Variants in PEBP4 observed in about 807,000 individuals in gnomAD.
PEBP4 encodes the protein phosphatidylethanolamine binding protein 4.
In PEBP4, 22 loss-of-function variants were observed where a neutral mutation model predicts 23.9. The ratio of observed to expected loss-of-function variants is 0.92; its 90% confidence interval spans 0.66 to 1.31. The LOEUF is 1.31. Ranked by LOEUF, PEBP4 falls within the 40% of genes most tolerant of loss-of-function variation. PEBP4 has a pLI of 0.00. For synonymous variants in PEBP4, 112 were observed against 99.3 expected, an observed-to-expected ratio of 1.13 and a Z score of -0.76; for missense variants, 324 against 281.7, an observed-to-expected ratio of 1.15 and a Z score of -1.07.
intron 5 of PEBP4, among the ~76,000 whole-genome samples, chr8:22,726,557 GA>G (rs2128748817): frequency 6.6e-6 from 1 of 152,350 alleles, no homozygotes; most frequent in Admixed American, 6.5e-5. Flanking sequence ...AGGAGGAGGG[GA>G]AAGGGTTCAC....
Position 22,735,288 on chromosome 8 carries a change from G to C in PEBP4, c.358-8068C>G, listed in dbSNP as rs117277524. On this transcript the variant is annotated intron_variant, in intron 4 of 6. Coordinates refer to ENST00000256404, the MANE Select transcript of PEBP4 (RefSeq NM_144962.3). ...AGATGAAGGAAGAGATAACTGCTTG[G>C]GGGTAGTGATCAGAGAAAGTTATTG... Among the ~76,000 whole-genome samples, 542 of 152,226 alleles carry C rather than the reference G, an allele frequency of 3.6e-3. 4 individuals carry two copies. Among genetic ancestry groups the C allele is most frequent in the Non-Finnish European group, 5.9e-3 (404 of 68,008 alleles).
upstream of PEBP4, among the ~76,000 whole-genome samples, chr8:22,929,486 A>G (rs1183725031): frequency 6.6e-6 from 1 of 152,210 alleles, no homozygotes; most frequent in African/African-American, 2.4e-5. Flanking sequence ...TGTTGAGCCC[A>G]CTTCCAGTGG....
At chr8:22,751,275 G>T (rs1805250813) in intron 4 of PEBP4, among the ~76,000 whole-genome samples, 1 of 152,132 alleles carries the variant, frequency 6.6e-6, no homozygotes, top group African/African-American at 2.4e-5. Flanking sequence ...GACACCTAGA[G>T]ATGCTGCCAT....
Position 22,898,391 on chromosome 8 carries a change from C to CAAAAAAAAAAAAAAAA in PEBP4, c.258+21777_258+21792dup, listed in dbSNP as rs536993520. Among the ~76,000 whole-genome samples, 5 of 7,960 alleles carry CAAAAAAAAAAAAAAAA rather than the reference C, an allele frequency of 6.3e-4. 1 individual carries two copies. Among genetic ancestry groups the CAAAAAAAAAAAAAAAA allele is most frequent in the Admixed American group, 4.6e-3 (3 of 652 alleles). The allele number at this position is 7,960 out of a possible 152,430, so 5.2% of individuals were successfully genotyped here. On this transcript the variant is annotated intron_variant, in intron 3 of 6. Transcript: ENST00000256404. ...TGAGCGACAGAGGAAGACTCCACCC[C>CAAAAAAAAAAAAAAAA]AAAAAAAAAAAAAAAAAAAAAAAAA...
chr8:22,806,743 A>G (rs1429719945), intron 4 of PEBP4, among the ~76,000 whole-genome samples: 1 of 152,236 alleles, frequency 6.6e-6, no homozygotes, highest in East Asian at 1.9e-4. Flanking sequence ...TGATTTGTTA[A>G]CAAGTCACAA....
intron 4 of PEBP4, among the ~76,000 whole-genome samples, chr8:22,788,659 G>A (rs1371250331): frequency 6.6e-6 from 1 of 152,200 alleles, no homozygotes; most frequent in African/African-American, 2.4e-5. Context: ...TGTCCTGATG[G>A]TTATTCATAT....
rs546656967 is a variant in PEBP4, at chr8:22,865,124, G to A, written c.259-47389C>T. ...AGGTGGGGGTAGACAGAAGGGCTGG[G>A]GCGGCCCGGGGAAGAACCAGTGCTG... is the stretch of plus-strand genomic sequence containing the variant. On this transcript the variant is annotated intron_variant, in intron 3 of 6. Coordinates refer to ENST00000256404, the MANE Select transcript of PEBP4 (RefSeq NM_144962.3). This position sits in a 1 kb window ranked among gnomAD's most constrained non-coding sequence, Gnocchi z 6.9. 6.6e-6 allele frequency among the ~76,000 whole-genome samples: 1 copy of A among 152,274 alleles called. No homozygotes were observed. Among genetic ancestry groups the A allele is most frequent in the East Asian group, 1.9e-4 (1 of 5,178 alleles).
chr8:22,783,150 C>T (rs768499035), intron 4 of PEBP4, among the ~76,000 whole-genome samples: 2 of 152,216 alleles, frequency 1.3e-5, no homozygotes, highest in Non-Finnish European at 2.9e-5. Flanking sequence ...GTTGGGGCAA[C>T]CCAGGACTTC....
intron 4 of PEBP4, among the ~76,000 whole-genome samples, chr8:22,777,780 A>T (rs1170050837): frequency 6.6e-6 from 1 of 152,178 alleles, no homozygotes; most frequent in East Asian, 1.9e-4. Context: ...GGCGCTAAGG[A>T]TAACCTTGTA....
intron 4 of PEBP4, among the ~76,000 whole-genome samples, chr8:22,752,907 C>G (rs1482808918): frequency 2.6e-5 from 4 of 152,220 alleles, no homozygotes; most frequent in Admixed American, 6.5e-5. Context: ...GTTAATTTTA[C>G]AGTCCAATTT....
At position 22,724,355 on chromosome 8, in the gene PEBP4, G is replaced by C. The variant is rs151164207; in HGVS notation, c.517+488C>G. Among the ~76,000 whole-genome samples, 164 of 152,286 alleles carry C rather than the reference G, an allele frequency of 1.1e-3. 2 individuals carry two copies. In the East Asian group the frequency reaches 0.023, roughly 21 times the overall value. On this transcript the variant is annotated intron_variant, in intron 6 of 6. Transcript: ENST00000256404. ...GGGCTGCTCAGAGAAGCTAGTGGAG[G>C]GGGGATGGTGGGGGACATCTTCCCC... is the stretch of plus-strand genomic sequence containing the variant.
chr8:22,872,631 CCTGA>C (rs1425937402), intron 3 of PEBP4, among the ~76,000 whole-genome samples: 2 of 152,194 alleles, frequency 1.3e-5, no homozygotes, highest in East Asian at 1.9e-4. Flanking sequence ...TTTAAGTCTT[CCTGA>C]CTGTTTACTC....
intron 3 of PEBP4, among the ~76,000 whole-genome samples, chr8:22,911,051 A>G (rs1808929158): frequency 6.6e-6 from 1 of 152,174 alleles, no homozygotes; most frequent in African/African-American, 2.4e-5. Flanking sequence ...GGGCAGGGGT[A>G]CATGGGAATT....
intron 4 of PEBP4, among the ~76,000 whole-genome samples, chr8:22,801,783 C>T (rs1044788351): frequency 6.6e-6 from 1 of 152,098 alleles, no homozygotes; most frequent in Non-Finnish European, 1.5e-5. Flanking sequence ...TCCCAGCCAC[C>T]GTGGCCCTCC....
In PEBP4 at chr8:22,865,482, G is replaced by A. The variant is rs1009777879; in HGVS notation, c.259-47747C>T. ...CCGCCGCGAGGTGGAGCGCGCCACC[G>A]CCCCCCCGGCCGCGCAGCGAGAAGG... On this transcript the variant is annotated intron_variant, in intron 3 of 6. Coordinates refer to ENST00000256404, the MANE Select transcript of PEBP4 (RefSeq NM_144962.3). This position sits in a 1 kb window ranked among gnomAD's most constrained non-coding sequence, Gnocchi z 6.9. Among the ~76,000 whole-genome samples, 1 of 151,584 alleles carries A rather than the reference G, an allele frequency of 6.6e-6. No homozygotes were observed. Among genetic ancestry groups the A allele is most frequent in the Non-Finnish European group, 1.5e-5 (1 of 67,890 alleles).
At chr8:22,725,082 A>G in intron 5 of PEBP4, 126 bp from the exon 6 acceptor site, 3 of 646,136 alleles carry the variant, frequency 4.6e-6, no homozygotes, top group Non-Finnish European at 8.4e-6. Context: ...CCTGCAAAAC[A>G]TTAGGATTTG....
chr8:22,848,126 A>G (rs939914861), intron 3 of PEBP4, among the ~76,000 whole-genome samples: 1 of 152,130 alleles, frequency 6.6e-6, no homozygotes, highest in Non-Finnish European at 1.5e-5. Context: ...CTGTCGGTCC[A>G]TGTGCTGTAA....
At chr8:22,917,032 C>T (rs1809090790) in intron 3 of PEBP4, among the ~76,000 whole-genome samples, 2 of 146,694 alleles carry the variant, frequency 1.4e-5, no homozygotes, top group African/African-American at 5.0e-5. Context: ...GGGAAGTGGC[C>T]AATGCCAGAA....
At chr8:22,769,418 C>T (rs971689240) in intron 4 of PEBP4, among the ~76,000 whole-genome samples, 3 of 152,340 alleles carry the variant, frequency 2.0e-5, no homozygotes, top group African/African-American at 7.2e-5. Flanking sequence ...TGGATGCAGC[C>T]TTTCGGTAAA....
Sources: gnomAD v4.1 joint callset for allele counts (sites outside exome capture counted in the v4.1 genomes callset) on GRCh38, gnomAD v4.1.1 for gene constraint, Gnocchi (gnomAD v3.1) non-coding constraint, MANE v1.5 for transcripts, NCBI Gene and HGNC (gene_info 2026-07-23, HGNC 2026-07-21) for gene names.